Variants in RBMS1 observed in about 807,000 individuals in gnomAD.
RBMS1 encodes RNA binding motif single stranded interacting protein 1, also known as RNA-binding motif, single-stranded-interacting protein 1.
In RBMS1, 17 loss-of-function variants were observed where a neutral mutation model predicts 62.3. The observed-to-expected ratio is 0.27, with a 90% CI of 0.19 to 0.41. The LOEUF is 0.41. RBMS1 is among the 10% of genes least tolerant of loss of function. The probability of loss-of-function intolerance (pLI) is 1.00; values close to 1 mark genes in which losing one functional copy is unlikely to be tolerated. For synonymous variants in RBMS1, 172 were observed against 170.0 expected (o/e 1.01, Z -0.09); for missense variants, 334 against 504.5 (o/e 0.66, Z 3.24).
chr2:160,325,327 G>T (rs749506400), intron 2 of RBMS1, among the ~76,000 whole-genome samples: 14 of 152,114 alleles, frequency 9.2e-5, no homozygotes. Context: ...GTCTATCTTG[G>T]AATAACATGC....
At chr2:160,333,106 C>A (rs1385983729) in intron 2 of RBMS1, among the ~76,000 whole-genome samples, 1 of 151,856 alleles carries the variant, frequency 6.6e-6, no homozygotes, top group East Asian at 1.9e-4. Context: ...CTTTGCAGAC[C>A]TCACCCCAGA....
intron 1 of RBMS1, among the ~76,000 whole-genome samples, chr2:160,484,466 G>A (rs1685505981): frequency 6.6e-6 from 1 of 151,536 alleles, no homozygotes; most frequent in Non-Finnish European, 1.5e-5. Context: ...CTGCACTCCA[G>A]CCTGGGCGAC....
At chr2:160,276,133 T>TGAAGCAGCACA (rs1056242742) in intron 12 of RBMS1, among the ~76,000 whole-genome samples, 11 of 152,314 alleles carry the variant, frequency 7.2e-5, no homozygotes, top group African/African-American at 2.6e-4. Flanking sequence ...CTGGAAGCCA[T>TGAAGCAGCACA]GAAGCAGCAC....
intron 1 of RBMS1, among the ~76,000 whole-genome samples, chr2:160,438,195 A>T (rs1683194259): frequency 6.6e-6 from 1 of 152,140 alleles, no homozygotes; most frequent in African/African-American, 2.4e-5. Flanking sequence ...CCATAGGGGA[A>T]TCAAGTTATA....
intron 1 of RBMS1, among the ~76,000 whole-genome samples, chr2:160,426,289 GAAAAGAAA>G (rs1682600997): frequency 1.3e-5 from 1 of 74,296 alleles, no homozygotes; most frequent in African/African-American, 5.2e-5. Context: ...AAGAAAGAAA[GAAAAGAAA>G]GAAGGAAGGA....
intron 11 of RBMS1, 180 bp from the exon 12 acceptor site, chr2:160,277,563 C>T (rs1687903480): frequency 2.4e-6 from 1 of 412,946 alleles, no homozygotes; most frequent in South Asian, 8.2e-5. Context: ...AAACTGTTTT[C>T]TACTTTTTGA....
intron 2 of RBMS1, among the ~76,000 whole-genome samples, chr2:160,357,328 TGGGCATTA>T (rs1206232251): frequency 6.6e-6 from 1 of 152,156 alleles, no homozygotes; most frequent in Non-Finnish European, 1.5e-5. Context: ...GTGCAGTATT[TGGGCATTA>T]GAAGACAGAA....
At chr2:160,342,769 C>CAAAAAAAAAAAAAAAAA (rs550170417) in intron 2 of RBMS1, among the ~76,000 whole-genome samples, 3 of 117,340 alleles carry the variant, frequency 2.6e-5, no homozygotes, top group Non-Finnish European at 3.4e-5. Flanking sequence ...ATACAAAATA[C>CAAAAAAAAAAAAAAAAA]AAAAAAAAAA....
chr2:160,326,868 T>C (rs951326517), intron 2 of RBMS1, among the ~76,000 whole-genome samples: 18 of 152,186 alleles, frequency 1.2e-4, no homozygotes, highest in African/African-American at 3.6e-4. Flanking sequence ...ATCCATGGTA[T>C]CTGTGCAATG....
chr2:160,387,461 C>A (rs1482879952), intron 1 of RBMS1, among the ~76,000 whole-genome samples: 1 of 151,930 alleles, frequency 6.6e-6, no homozygotes, highest in Non-Finnish European at 1.5e-5. Context: ...CAAGCAGAGG[C>A]AGGGAGAGGA....
chr2:160,300,711 AT>A lies in RBMS1; in HGVS notation c.579del (p.Lys193AsnfsTer58). 2 of 1,600,280 alleles carry A rather than the reference AT, an allele frequency of 1.2e-6. No homozygotes were observed. Among genetic ancestry groups the A allele is most frequent in the East Asian group, 2.3e-5 (1 of 44,360 alleles). On this transcript the variant is annotated frameshift_variant, in exon 6 of 14. Transcript: ENST00000348849. LOFTEE classifies it high-confidence loss of function. ...TTAAAATGACCAATAACAGCTTCACATTTTTCTGTTGATTCCATCCTATTTA... is the reference window on the plus strand; with the variant it reads ...TTAAAATGACCAATAACAGCTTCACATTTTCTGTTGATTCCATCCTATTTA... ...VGFARMESTE[K>X]CEAVIGHFNG...
chr2:160,458,180 T>A (rs1220299211), intron 1 of RBMS1, among the ~76,000 whole-genome samples: 1 of 152,034 alleles, frequency 6.6e-6, no homozygotes, highest in Non-Finnish European at 1.5e-5. Flanking sequence ...CCCAGGCTGG[T>A]CTTGAACTCC....
intron 1 of RBMS1, among the ~76,000 whole-genome samples, chr2:160,485,232 C>G (rs1685549860): frequency 6.6e-6 from 1 of 152,218 alleles, no homozygotes; most frequent in Non-Finnish European, 1.5e-5. Flanking sequence ...GAAGCTCCAG[C>G]ACAAACTCCC....
intron 1 of RBMS1, among the ~76,000 whole-genome samples, chr2:160,373,642 G>A (rs1693849164): frequency 6.6e-6 from 1 of 152,116 alleles, no homozygotes. Context: ...ATGGGTGTGT[G>A]AATATGAAGA....
chr2:160,437,066 T>C (rs1683140498), intron 1 of RBMS1, among the ~76,000 whole-genome samples: 1 of 152,188 alleles, frequency 6.6e-6, no homozygotes, highest in Non-Finnish European at 1.5e-5. Context: ...ACCTACTGTA[T>C]AGTGCCCCAT....
intron 1 of RBMS1, among the ~76,000 whole-genome samples, chr2:160,462,094 C>T (rs1684489437): frequency 6.6e-6 from 1 of 152,204 alleles, no homozygotes; most frequent in Admixed American, 6.5e-5. Context: ...AGGCTCTTCA[C>T]CAATTTCCTT....
At chr2:160,343,850 T>A (rs1692028525) in intron 2 of RBMS1, among the ~76,000 whole-genome samples, 1 of 152,186 alleles carries the variant, frequency 6.6e-6, no homozygotes, top group South Asian at 2.1e-4. Flanking sequence ...ATAATATATT[T>A]TTCAAAGTTC....
At position 160,383,455 on chromosome 2, in the gene RBMS1, G is replaced by GT. The variant is rs1179551110; in HGVS notation, c.76-16065_76-16064insA. 1.4e-4 allele frequency among the ~76,000 whole-genome samples: 21 copies of GT among 149,694 alleles called. No individual in the cohort carries two copies. In the East Asian group the frequency reaches 3.0e-3, roughly 21 times the overall value. ...TGGGGTTCTGGTTAGACATGAATTG[G>GT]GGGGGGGGGAACTGACCCACTACAG... On this transcript the variant is annotated intron_variant, in intron 1 of 13. Transcript: ENST00000348849.
chr2:160,403,930 C>T (rs2105236630), intron 1 of RBMS1, among the ~76,000 whole-genome samples: 1 of 152,136 alleles, frequency 6.6e-6, no homozygotes, highest in South Asian at 2.1e-4. Flanking sequence ...TACCAATTTT[C>T]TATATCTAAA....
Sources: gnomAD v4.1 joint callset for allele counts (sites outside exome capture counted in the v4.1 genomes callset) on GRCh38, gnomAD v4.1.1 for gene constraint, MANE v1.5 for transcripts, NCBI Gene and HGNC (gene_info 2026-07-23, HGNC 2026-07-21) for gene names.